The following MICAL2 variants were observed in gnomAD, a reference collection of about 807,000 sequenced individuals.
MICAL2 encodes microtubule associated monooxygenase, calponin and LIM domain containing 2.
In MICAL2, 77 loss-of-function variants were observed where a neutral mutation model predicts 127.3. That is an observed-to-expected ratio of 0.60 (90% CI 0.50 to 0.73). The LOEUF (loss-of-function observed/expected upper bound fraction) is 0.73, where lower values mean the gene tolerates loss of function less well. MICAL2 is among the 30% of genes least tolerant of loss of function. The pLI, the probability that MICAL2 is intolerant of heterozygous loss-of-function variation, is 0.00. For synonymous variants in MICAL2, 570 were observed against 551.1 expected (o/e 1.03, Z -0.48); for missense variants, 1,351 against 1,434.4 (o/e 0.94, Z 0.94).
At chr11:12,171,540 G>A (rs1198454007) in intron 3 of MICAL2, among the ~76,000 whole-genome samples, 1 of 152,208 alleles carries the variant, frequency 6.6e-6, no homozygotes, top group African/African-American at 2.4e-5. Flanking sequence ...CTACTCAACA[G>A]GGTGGAGTAC....
intron 10 of MICAL2, 106 bp from the exon 11 acceptor site, chr11:12,222,511 G>A (rs1178594707): frequency 9.7e-6 from 14 of 1,447,404 alleles, no homozygotes; most frequent in Middle Eastern, 4.6e-4. Flanking sequence ...AGACAAACAT[G>A]TCCAGGAAGC....
At chr11:12,293,460 AG>A, downstream of MICAL2, 11 of 1,410,844 alleles carry the variant, frequency 7.8e-6, no homozygotes, top group Non-Finnish European at 1.1e-5. Flanking sequence ...TGAGATGGGA[AG>A]AAAAAACAGG....
chr11:12,289,524 T>C (rs1863868514), downstream of MICAL2, among the ~76,000 whole-genome samples: 1 of 151,512 alleles, frequency 6.6e-6, no homozygotes, highest in South Asian at 2.1e-4. Context: ...AACTAGCTTT[T>C]ACTTTGTGTC....
intron 30 of MICAL2, among the ~76,000 whole-genome samples, chr11:12,323,242 A>C (rs867114322): frequency 6.6e-6 from 1 of 152,190 alleles, no homozygotes; most frequent in Non-Finnish European, 1.5e-5. Flanking sequence ...GCACAGGTAC[A>C]CACACACCCA....
At chr11:12,130,680 C>T in intron 1 of MICAL2, among the ~76,000 whole-genome samples, 1 of 152,188 alleles carries the variant, frequency 6.6e-6, no homozygotes, top group East Asian at 1.9e-4. Flanking sequence ...CTCGGCTTTA[C>T]CTGTGCCTCT....
At chr11:12,176,877 AT>A (rs1420382765) in intron 3 of MICAL2, among the ~76,000 whole-genome samples, 3 of 152,290 alleles carry the variant, frequency 2.0e-5, no homozygotes, top group South Asian at 4.1e-4. Flanking sequence ...CTGTTCACTC[AT>A]CAATGGACAC....
At chr11:12,284,830 C>T (rs943734292) in intron 2 of MICAL2, among the ~76,000 whole-genome samples, 3 of 152,126 alleles carry the variant, frequency 2.0e-5, no homozygotes, top group African/African-American at 7.2e-5. Flanking sequence ...AACCCATGGG[C>T]TTGATTTTGA....
chr11:12,137,596 A>AGT (rs763789361), intron 1 of MICAL2, among the ~76,000 whole-genome samples: 2 of 151,388 alleles, frequency 1.3e-5, no homozygotes, highest in African/African-American at 4.9e-5. Flanking sequence ...AGAGAGAGAG[A>AGT]GTGTGTGTGT....
chr11:12,347,911 C>T lies in MICAL2; in HGVS notation c.5516-1927C>T, dbSNP rs536780468. Among the ~76,000 whole-genome samples the T allele has an allele frequency of 3.1e-3, 466 of 152,034 alleles. 1 individual carries two copies. The highest frequency in any genetic ancestry group is 5.0e-3 in the Admixed American group (77 of 15,274). On this transcript the variant is annotated intron_variant, in intron 32 of 34. Coordinates refer to the MICAL2 transcript ENST00000646065. ...GCTCACACCTGTAATCCCAACACTTCGGGAGGCCAAGGCGAGAGGACCATC... is the reference window on the plus strand; with the variant it reads ...GCTCACACCTGTAATCCCAACACTTTGGGAGGCCAAGGCGAGAGGACCATC...
At chr11:12,257,170 A>G in intron 24 of MICAL2, 199 bp downstream of exon 24, 1 of 602,464 alleles carries the variant, frequency 1.7e-6, no homozygotes, top group Non-Finnish European at 2.8e-6. Context: ...GGGAAGGGGT[A>G]GCATCAGCAC....
At chr11:12,311,171 T>C (rs1864169845) in intron 29 of MICAL2, among the ~76,000 whole-genome samples, 1 of 152,264 alleles carries the variant, frequency 6.6e-6, no homozygotes, top group East Asian at 1.9e-4. Context: ...TGGATGCCAC[T>C]TATTTCTTTT....
At chr11:12,288,447 C>G (rs1334600514), downstream of MICAL2, among the ~76,000 whole-genome samples, 4 of 152,198 alleles carry the variant, frequency 2.6e-5, no homozygotes, top group Non-Finnish European at 5.9e-5. Flanking sequence ...GGAGACCCTC[C>G]CAATAGGGCT....
chr11:12,213,677 G>A (rs80120309), intron 7 of MICAL2, among the ~76,000 whole-genome samples: 10,200 of 152,260 alleles, frequency 0.067, 502 homozygotes, highest in Non-Finnish European at 0.098. Flanking sequence ...AATTCTCAGT[G>A]TTGGGTAAAA....
chr11:12,170,950 T>TTCCCA, intron 3 of MICAL2, among the ~76,000 whole-genome samples: 2 of 152,208 alleles, frequency 1.3e-5, no homozygotes, highest in African/African-American at 4.8e-5. Context: ...ACTCTGTGGC[T>TTCCCA]CAAAGGGCTT....
At chr11:12,292,106 C>G, downstream of MICAL2, 1 of 1,588,168 alleles carries the variant, frequency 6.3e-7, no homozygotes, top group Non-Finnish European at 8.6e-7. Context: ...AAAATAATAA[C>G]ACCTTTGTAA....
chr11:12,268,232 G>C (rs550282952), downstream of MICAL2, among the ~76,000 whole-genome samples: 1 of 152,322 alleles, frequency 6.6e-6, no homozygotes, highest in South Asian at 2.1e-4. Flanking sequence ...TGAGAAGGGA[G>C]TTTTGATTTT....
intron 21 of MICAL2, among the ~76,000 whole-genome samples, chr11:12,247,165 G>A (rs576529524): frequency 9.9e-5 from 15 of 152,272 alleles, no homozygotes; most frequent in East Asian, 5.8e-4. Flanking sequence ...CAGAAGCCAC[G>A]CATGCATGGA....
upstream of MICAL2, among the ~76,000 whole-genome samples, chr11:12,272,885 G>T (rs1023241366): frequency 6.6e-6 from 1 of 152,178 alleles, no homozygotes; most frequent in Non-Finnish European, 1.5e-5. Context: ...CCCACTTAAA[G>T]CCTCTGCTCA....
chr11:12,338,603 T>C (rs949881832), intron 32 of MICAL2, among the ~76,000 whole-genome samples: 1 of 152,254 alleles, frequency 6.6e-6, no homozygotes, highest in Admixed American at 6.5e-5. Flanking sequence ...CAGTTGTTCC[T>C]TTCCATATTT....
Sources: allele counts gnomAD v4.1 joint callset (sites outside exome capture counted in the v4.1 genomes callset), GRCh38; gene constraint gnomAD v4.1.1; transcripts MANE v1.5; gene names NCBI Gene and HGNC (gene_info 2026-07-23, HGNC 2026-07-21).